The following ZNF558 variants were observed in gnomAD, a reference collection of about 807,000 sequenced individuals.
ZNF558 encodes the protein zinc finger protein 558.
In ZNF558, 23 loss-of-function variants were observed where a neutral mutation model predicts 37.6. That is an observed-to-expected ratio of 0.61 (90% CI 0.44 to 0.87). ZNF558 has a LOEUF of 0.87. Ranked by LOEUF, ZNF558 falls within the 40% of genes least tolerant of loss-of-function variation. ZNF558 has a pLI of 0.00. For synonymous variants in ZNF558, 189 were observed against 174.4 expected (o/e 1.08, Z -0.66); for missense variants, 429 against 483.7 (o/e 0.89, Z 1.06).
rs797035067 is a variant in ZNF558 at position 8,806,254 on chromosome 19, CT to C, written c.*5026del. 2 of 152,224 alleles carry C rather than the reference CT, an allele frequency of 1.3e-5. No homozygotes were observed. Among genetic ancestry groups the C allele is most frequent in the African/African-American group, 4.8e-5 (2 of 41,532 alleles). 9.4% of individuals were successfully genotyped at this position (152,224 alleles called of 1,614,324 possible). A position where few individuals can be genotyped will look rare whatever the true frequency, so the allele number is the denominator to read the frequency against. The stretch of plus-strand genomic sequence containing the variant: ...ACAGGGTTGTTTTATACAGTCAGTA[CT>C]GATTTATATTTACTTGCATCTTATG... On this transcript the variant is annotated 3_prime_UTR_variant, in exon 10 of 10. Transcript: ENST00000601372.
Position 8,807,753 on chromosome 19 carries a change from A to AT in ZNF558, c.*3527dup, listed in dbSNP as rs1207236163. 1 of 152,036 alleles carries AT rather than the reference A, an allele frequency of 6.6e-6. No homozygotes were observed. The highest frequency in any genetic ancestry group is 1.5e-5 in the Non-Finnish European group (1 of 68,000). 9.4% of individuals were successfully genotyped at this position (152,036 alleles called of 1,614,324 possible). A position where few individuals can be genotyped will look rare whatever the true frequency, so the allele number is the denominator to read the frequency against. On this transcript the variant is annotated 3_prime_UTR_variant, in exon 10 of 10. Coordinates refer to ENST00000601372, the MANE Select transcript of ZNF558 (RefSeq NM_144693.3). ...CTCTCCTAAAATGCTTTTTTTTCCT[A>AT]TAACTCTATAATACCATATTTTCTT... is the stretch of plus-strand genomic sequence containing the variant.
Position 8,811,533 on chromosome 19 carries a change from G to C in ZNF558, c.957C>G (p.Pro319=). The C allele has an allele frequency of 6.2e-6, 10 of 1,614,182 alleles. No individual in the cohort carries two copies. The highest frequency in any genetic ancestry group is 8.5e-6 in the Non-Finnish European group (10 of 1,180,012). The change falls in exon 10 of 10, where the codon CCC becomes CCG. Residue 319 remains proline, a synonymous_variant. Transcript: ENST00000601372. Reference sequence around the variant, plus strand: ...ATTTCCCACACTCGTTACATTCATAGGGTTTTTCTCCAGTATGAGTTCTTA... The same window carrying C: ...ATTTCCCACACTCGTTACATTCATACGGTTTTTCTCCAGTATGAGTTCTTA... The part of the protein sequence containing the change: ...QHVRTHTGEK[P]YECNECGKSF...
rs908430860 is a variant in ZNF558, at chr19:8,810,068, T to C, written c.*1213A>G. 5 of 152,222 alleles carry C rather than the reference T, an allele frequency of 3.3e-5. No homozygotes were observed. Among genetic ancestry groups the C allele is most frequent in the African/African-American group, 9.6e-5 (4 of 41,454 alleles). 9.4% of individuals were successfully genotyped at this position (152,222 alleles called of 1,614,324 possible). On this transcript the variant is annotated 3_prime_UTR_variant, in exon 10 of 10. Coordinates refer to ENST00000601372, the MANE Select transcript of ZNF558 (RefSeq NM_144693.3). ...CCATATTTTCCCTAACACAGAGGCA[T>C]CACTGAAGGCTTTCTCTTCTTCTTT...
upstream of ZNF558, among the ~76,000 whole-genome samples, chr19:8,836,471 C>G (rs1052730858): frequency 2.7e-5 from 4 of 149,870 alleles, no homozygotes; most frequent in African/African-American, 7.4e-5. Context: ...TCCTCCCCCC[C>G]TCTCCTCCTC....
chr19:8,811,648 CCA>C lies in ZNF558; in HGVS notation c.840_841del (p.Gly281AlafsTer3), dbSNP rs1184924546. 6.2e-7 allele frequency: 1 copy of C among 1,613,996 alleles called. No homozygotes were observed. The highest frequency in any genetic ancestry group is 8.5e-7 in the Non-Finnish European group (1 of 1,180,042). On this transcript the variant is annotated frameshift_variant, in exon 10 of 10. Coordinates refer to ENST00000601372, the MANE Select transcript of ZNF558 (RefSeq NM_144693.3). LOFTEE classifies it high-confidence loss of function. ...CTCCCCTGTATGAATGCTATTGTGCCCAGTGAGAGAGGACCTTGTGCTGAAAG... is the reference window on the plus strand; with the variant it reads ...CTCCCCTGTATGAATGCTATTGTGCCGTGAGAGAGGACCTTGTGCTGAAAG...
intron 7 of ZNF558, among the ~76,000 whole-genome samples, chr19:8,820,711 C>T (rs1473840008): frequency 7.2e-5 from 11 of 152,086 alleles, no homozygotes; most frequent in African/African-American, 2.2e-4. Context: ...CTCCTGCCCT[C>T]GTGATCCGCC....
At chr19:8,819,778 A>G (rs2044035765) in intron 7 of ZNF558, among the ~76,000 whole-genome samples, 1 of 152,096 alleles carries the variant, frequency 6.6e-6, no homozygotes, top group African/African-American at 2.4e-5. Flanking sequence ...TCTCTATAAA[A>G]AATACAAAAC....
In ZNF558 at chr19:8,813,107, C is replaced by A. The variant is rs782329915; in HGVS notation, c.343+20G>T. 6.4e-7 allele frequency: 1 copy of A among 1,559,538 alleles called. No homozygotes were observed. The highest frequency in any genetic ancestry group is 1.2e-5 in the South Asian group (1 of 85,194). ...GCCAGAGCTATTCCTCACAAGGGCT[C>A]ATATCCACCTGGTGCTCACCTGGAC... On this transcript the variant is annotated intron_variant, in intron 8 of 9. Transcript: ENST00000601372.
At chr19:8,831,433 T>G (rs549027637) in intron 1 of ZNF558, 32 bp from the exon 2 acceptor site, 1 of 152,310 alleles carries the variant, frequency 6.6e-6, no homozygotes, top group South Asian at 2.1e-4. Context: ...AAAGATTTCT[T>G]TCGAGGCTTT....
At position 8,821,525 on chromosome 19, in the gene ZNF558, G is replaced by A. The variant is rs933871001; in HGVS notation, c.121-219C>T. 1.3e-5 allele frequency: 18 copies of A among 1,435,000 alleles called. No individual in the cohort carries two copies. The African/African-American group carries it at 2.3e-4, about 18-fold the overall frequency. 88.9% of individuals were successfully genotyped at this position (1,435,000 alleles called of 1,614,324 possible). A position where few individuals can be genotyped will look rare whatever the true frequency, so the allele number is the denominator to read the frequency against. On this transcript the variant is annotated intron_variant, in intron 6 of 9. Transcript: ENST00000601372. ...CTCTTCTCCCTGGCTTCTGAGCTCA[G>A]CCCTCAATGCTTGTCTCCTTAGGCC...
In ZNF558 at chr19:8,821,193, G is replaced by A. The variant is rs570373108; in HGVS notation, c.234C>T (p.Asn78=). 5.4e-5 allele frequency: 87 copies of A among 1,614,014 alleles called. No homozygotes were observed. In the East Asian group the frequency reaches 1.8e-3, roughly 33 times the overall value. ...YRDVMLENCR[N]LASLGCRVNK... Reference sequence around the variant, plus strand: ...CATTAGGCTTACCTAGTGAGGCCAGGTTCCTGCAGTTCTCCAGCATCACAT... The same window carrying A: ...CATTAGGCTTACCTAGTGAGGCCAGATTCCTGCAGTTCTCCAGCATCACAT... Residue 78 remains asparagine, a synonymous_variant, in exon 7 of 10, where the codon AAC becomes AAT. Coordinates refer to ENST00000601372, the MANE Select transcript of ZNF558 (RefSeq NM_144693.3).
upstream of ZNF558, among the ~76,000 whole-genome samples, chr19:8,837,125 C>T (rs568734648): frequency 2.0e-4 from 31 of 152,286 alleles, no homozygotes; most frequent in Admixed American, 1.2e-3. Context: ...TGAATGACCT[C>T]GCCCTCTGCT....
rs1430585187 is a variant in ZNF558 at position 8,812,544 on chromosome 19, A to G, written c.426+17T>C. On this transcript the variant is annotated intron_variant, in intron 9 of 9. Coordinates refer to ENST00000601372, the MANE Select transcript of ZNF558 (RefSeq NM_144693.3). ...CTCCTACTGTAGAAAACCAGAAATC[A>G]CCCATGTTAGTCTTACCGTTTTTAC... 3 of 1,505,898 alleles carry G rather than the reference A, an allele frequency of 2.0e-6. No homozygotes were observed. Among genetic ancestry groups the G allele is most frequent in the Non-Finnish European group, 2.7e-6 (3 of 1,127,818 alleles). 93.3% of individuals were successfully genotyped at this position (1,505,898 alleles called of 1,614,324 possible). A position where few individuals can be genotyped will look rare whatever the true frequency, so the allele number is the denominator to read the frequency against.
intron 7 of ZNF558, among the ~76,000 whole-genome samples, chr19:8,817,085 C>T (rs1465841789): frequency 1.3e-5 from 2 of 151,542 alleles, no homozygotes; most frequent in Non-Finnish European, 2.9e-5. Context: ...CACAAAACAA[C>T]AATGAAAGAA....
chr19:8,810,974 A>C lies in ZNF558; in HGVS notation c.*307T>G. ...CAACATCAACTTTCCAGGCATGTGA[A>C]TAAGTCATCTTGGAAGTGGACTGTT... On this transcript the variant is annotated 3_prime_UTR_variant, in exon 10 of 10. Coordinates refer to ENST00000601372, the MANE Select transcript of ZNF558 (RefSeq NM_144693.3). 1 of 235,878 alleles carries C rather than the reference A, an allele frequency of 4.2e-6. No individual in the cohort carries two copies. Among genetic ancestry groups the C allele is most frequent in the Non-Finnish European group, 8.2e-6 (1 of 121,296 alleles). The allele number at this position is 235,878 out of a possible 1,614,324, so 14.6% of individuals were successfully genotyped here. A position where few individuals can be genotyped will look rare whatever the true frequency, so the allele number is the denominator to read the frequency against.
chr19:8,811,168 G>A lies in ZNF558; in HGVS notation c.*113C>T. The A allele has an allele frequency of 4.2e-6, 5 of 1,181,980 alleles. No homozygotes were observed. Among genetic ancestry groups the A allele is most frequent in the Non-Finnish European group, 5.8e-6 (5 of 859,772 alleles). 73.2% of individuals were successfully genotyped at this position (1,181,980 alleles called of 1,614,324 possible). A position where few individuals can be genotyped will look rare whatever the true frequency, so the allele number is the denominator to read the frequency against. ...GTGTTTGAAGCCACAAAATTTGCGG[G>A]GATCATTTGTTATGCTGCAACAAAT... On this transcript the variant is annotated 3_prime_UTR_variant, in exon 10 of 10. Transcript: ENST00000601372.
At chr19:8,831,851 G>A (rs1339092745) in intron 1 of ZNF558, among the ~76,000 whole-genome samples, 1 of 152,126 alleles carries the variant, frequency 6.6e-6, no homozygotes. Context: ...CCTGTACAAC[G>A]TAGGATCTTT....
In ZNF558 at chr19:8,825,123, G is replaced by A. The variant is rs1008516475; in HGVS notation, c.-508-15C>T. ...GGGGGTAACCCCTAGGGAAGGAAAC[G>A]TGCTGATGTCAAGCAAACCTGCAAA... On this transcript the variant is annotated splice_polypyrimidine_tract_variant and intron_variant, in intron 2 of 9. Coordinates refer to ENST00000601372, the MANE Select transcript of ZNF558 (RefSeq NM_144693.3). 3 of 152,234 alleles carry A rather than the reference G, an allele frequency of 2.0e-5. No individual in the cohort carries two copies. The highest frequency in any genetic ancestry group is 4.8e-5 in the African/African-American group (2 of 41,462). The allele number at this position is 152,234 out of a possible 1,614,324, so 9.4% of individuals were successfully genotyped here.
rs1273849191 is a variant in ZNF558 at position 8,824,122 on chromosome 19, T to TGCAGGGGTGCAG, written c.-107_-106insCTGCACCCCTGC. 3 of 151,704 alleles carry TGCAGGGGTGCAG rather than the reference T, an allele frequency of 2.0e-5. No homozygotes were observed. 9.4% of individuals were successfully genotyped at this position (151,704 alleles called of 1,614,324 possible). ...AATATGGCTGAGGAGACAGCGGGGG[T>TGCAGGGGTGCAG]GGGTGCAGGGGTGACTTTCAGGACC... On this transcript the variant is annotated 5_prime_UTR_variant, in exon 4 of 10. Coordinates refer to ENST00000601372, the MANE Select transcript of ZNF558 (RefSeq NM_144693.3).
Sources: gnomAD v4.1 joint callset for allele counts (sites outside exome capture counted in the v4.1 genomes callset) on GRCh38, gnomAD v4.1.1 for gene constraint, MANE v1.5 for transcripts, NCBI Gene and HGNC (gene_info 2026-07-23, HGNC 2026-07-21) for gene names.